The following GALNT10 variants were observed in gnomAD, a reference collection of about 807,000 sequenced individuals.
GALNT10 encodes GalNAc transferase 10.
GALNT10 carries 41 observed loss-of-function variants against 75.0 expected under a neutral mutation model. The observed-to-expected ratio is 0.55, with a 90% CI of 0.43 to 0.71. The LOEUF (loss-of-function observed/expected upper bound fraction) is 0.71, where lower values mean the gene tolerates loss of function less well. GALNT10 is among the 30% of genes least tolerant of loss of function. The pLI, the probability that GALNT10 is intolerant of heterozygous loss-of-function variation, is 0.00. For missense variants in GALNT10, 727 were observed against 818.5 expected (o/e 0.89, Z 1.36); for synonymous variants, 302 against 313.0 (o/e 0.96, Z 0.37).
At chr5:154,265,538 T>G (rs1753764056) in intron 1 of GALNT10, among the ~76,000 whole-genome samples, 1 of 152,186 alleles carries the variant, frequency 6.6e-6, no homozygotes, top group Non-Finnish European at 1.5e-5. Context: ...GATTCTAAAT[T>G]CACAATGTGC....
At chr5:154,279,295 TGTTG>T (rs1561648506) in intron 1 of GALNT10, among the ~76,000 whole-genome samples, 12 of 141,030 alleles carry the variant, frequency 8.5e-5, no homozygotes, top group South Asian at 2.2e-4. Flanking sequence ...TTGTTGTTGT[TGTTG>T]TTTTGTTTTT....
At chr5:154,362,982 C>G (rs1755415893) in intron 4 of GALNT10, among the ~76,000 whole-genome samples, 1 of 152,196 alleles carries the variant, frequency 6.6e-6, no homozygotes, top group African/African-American at 2.4e-5. Flanking sequence ...TCCACTTGGG[C>G]AGAAGAACTC....
chr5:154,290,043 G>A (rs544461080), intron 1 of GALNT10, among the ~76,000 whole-genome samples: 12 of 151,062 alleles, frequency 7.9e-5, no homozygotes, highest in Non-Finnish European at 1.8e-4. Flanking sequence ...TTCCATTAAG[G>A]TTTTTGGATA....
At chr5:154,209,931 C>T (rs1775169020) in intron 1 of GALNT10, among the ~76,000 whole-genome samples, 1 of 152,012 alleles carries the variant, frequency 6.6e-6, no homozygotes, top group South Asian at 2.1e-4. Context: ...AATGTATTCA[C>T]AGTAAGAGAA....
chr5:154,317,336 C>T (rs1335933180), intron 3 of GALNT10, among the ~76,000 whole-genome samples: 1 of 152,144 alleles, frequency 6.6e-6, no homozygotes, highest in Non-Finnish European at 1.5e-5. Context: ...TTTTGAAATA[C>T]TTCTCTTGTA....
At chr5:154,208,356 G>A (rs1476223648) in intron 1 of GALNT10, among the ~76,000 whole-genome samples, 2 of 152,224 alleles carry the variant, frequency 1.3e-5, no homozygotes, top group African/African-American at 2.4e-5. Flanking sequence ...CTTCCTGGCC[G>A]CCACCTCTAC....
At chr5:154,261,422 C>A (rs1753697046) in intron 1 of GALNT10, among the ~76,000 whole-genome samples, 1 of 152,162 alleles carries the variant, frequency 6.6e-6, no homozygotes, top group South Asian at 2.1e-4. Flanking sequence ...ACCCTAAGAT[C>A]CCTTGAGTCT....
chr5:154,411,064 C>A (rs1261248601), intron 9 of GALNT10, among the ~76,000 whole-genome samples: 6 of 152,152 alleles, frequency 3.9e-5, no homozygotes, highest in Non-Finnish European at 4.4e-5. Context: ...GCTGAGAGGA[C>A]CTACCCATTC....
chr5:154,243,721 T>C (rs927655370), intron 1 of GALNT10, among the ~76,000 whole-genome samples: 2 of 152,144 alleles, frequency 1.3e-5, no homozygotes, highest in African/African-American at 4.8e-5. Flanking sequence ...TTGATGAAAG[T>C]TGTTATTATT....
intron 3 of GALNT10, among the ~76,000 whole-genome samples, chr5:154,304,200 G>T (rs1248489759): frequency 6.6e-6 from 1 of 152,156 alleles, no homozygotes; most frequent in Non-Finnish European, 1.5e-5. Context: ...TGTAATTAGG[G>T]TGTGTGTAAG....
At chr5:154,354,306 G>A (rs1486092847) in intron 4 of GALNT10, among the ~76,000 whole-genome samples, 1 of 152,192 alleles carries the variant, frequency 6.6e-6, no homozygotes, top group East Asian at 1.9e-4. Context: ...GTGAGCCTGA[G>A]ACAGCGATGG....
intron 1 of GALNT10, among the ~76,000 whole-genome samples, chr5:154,275,311 T>C (rs1376307625): frequency 6.6e-6 from 1 of 152,156 alleles, no homozygotes; most frequent in African/African-American, 2.4e-5. Context: ...CACAATGAGA[T>C]AGATAGGGGA....
chr5:154,345,021 G>C (rs544809463), intron 4 of GALNT10, among the ~76,000 whole-genome samples: 4 of 152,316 alleles, frequency 2.6e-5, no homozygotes, highest in South Asian at 2.1e-4. Context: ...TGCAGCAGCA[G>C]AACTGTCCAC....
intron 8 of GALNT10, among the ~76,000 whole-genome samples, chr5:154,404,908 A>T (rs531766032): frequency 3.9e-5 from 6 of 152,312 alleles, no homozygotes; most frequent in African/African-American, 1.4e-4. Flanking sequence ...GCTTCAATTA[A>T]ATTGGCCACT....
chr5:154,219,840 A>T (rs2351231), intron 1 of GALNT10, among the ~76,000 whole-genome samples: 4,994 of 94,636 alleles, frequency 0.053, 214 homozygotes, highest in African/African-American at 0.15. Context: ...TCTCTCTCTC[A>T]CACACACACA....
Position 154,406,733 on chromosome 5 carries a change from G to T in GALNT10, c.1164+2522G>T, listed in dbSNP as rs556399972. ...AATGGCTTGAACCCGGGAGGCGGAA[G>T]TTGCAGTGAGCCGAGACTGAGCCAC... On this transcript the variant is annotated intron_variant, in intron 8 of 11. Coordinates refer to ENST00000297107, the MANE Select transcript of GALNT10 (RefSeq NM_198321.4). Among the ~76,000 whole-genome samples, 12 of 152,272 alleles carry T rather than the reference G, an allele frequency of 7.9e-5. No homozygotes were observed. The East Asian group carries it at 2.1e-3, about 27-fold the overall frequency.
rs1350559610 is a variant in GALNT10, at chr5:154,344,353, A to G, written c.568+14615A>G. On this transcript the variant is annotated intron_variant, in intron 4 of 11. Coordinates refer to ENST00000297107, the MANE Select transcript of GALNT10 (RefSeq NM_198321.4). ...CAGCCTCCTGAGTAGCTGGGATTAC[A>G]GGCGCGCACCACCATGCCCGGCTAA... 3.3e-5 allele frequency among the ~76,000 whole-genome samples: 5 copies of G among 151,888 alleles called. No individual in the cohort carries two copies. The East Asian group carries it at 9.7e-4, about 29-fold the overall frequency.
intron 1 of GALNT10, among the ~76,000 whole-genome samples, chr5:154,254,056 G>A (rs1753570340): frequency 6.6e-6 from 1 of 152,106 alleles, no homozygotes; most frequent in Non-Finnish European, 1.5e-5. Flanking sequence ...TGCTCTCCCA[G>A]AGAATGTTGG....
chr5:154,399,239 G>A (rs1756108888), intron 7 of GALNT10, among the ~76,000 whole-genome samples: 1 of 152,192 alleles, frequency 6.6e-6, no homozygotes, highest in Non-Finnish European at 1.5e-5. Context: ...GGAGCCTAAA[G>A]ATACAAAGGA....
Sources: allele counts gnomAD v4.1 joint callset (sites outside exome capture counted in the v4.1 genomes callset), GRCh38; gene constraint gnomAD v4.1.1; transcripts MANE v1.5; gene names NCBI Gene and HGNC (gene_info 2026-07-23, HGNC 2026-07-21).